Variants in USP7 observed in about 807,000 individuals in gnomAD.
USP7 encodes ubiquitin C-terminal hydrolase 7.
A neutral mutation model predicts 162.9 loss-of-function variants in USP7; 9 were observed. That is an observed-to-expected ratio of 0.06 (90% CI 0.03 to 0.10). USP7 has a LOEUF of 0.10. USP7 is among the 10% of genes least tolerant of loss of function. USP7 has a pLI of 1.00. For missense variants in USP7, 715 were observed against 1,373.7 expected (o/e 0.52, Z 7.58); for synonymous variants, 562 against 475.9 (o/e 1.18, Z -2.35).
At chr16:8,905,395 G>A (rs1276697712) in intron 13 of USP7, 64 bp from the exon 14 acceptor site, 2 of 1,586,604 alleles carry the variant, frequency 1.3e-6, no homozygotes, top group Admixed American at 3.4e-5. Context: ...AACACTAGAA[G>A]GCAGCGTTGT....
At chr16:8,946,787 C>A (rs985644837) in intron 1 of USP7, among the ~76,000 whole-genome samples, 1 of 152,246 alleles carries the variant, frequency 6.6e-6, no homozygotes, top group Non-Finnish European at 1.5e-5. Flanking sequence ...GAAGGCTCCA[C>A]CTACAGAGCA....
At chr16:8,942,676 C>T (rs2437717) in intron 1 of USP7, among the ~76,000 whole-genome samples, 149,883 of 152,234 alleles carry the variant, frequency 0.98, 73,833 homozygotes, top group East Asian at 1. Context: ...AGCTCTTGAG[C>T]AGCTGGGACT....
In USP7 at chr16:8,941,861, C is replaced by T. The variant is rs369499576; in HGVS notation, c.80-11464G>A. Among the ~76,000 whole-genome samples the T allele has an allele frequency of 3.1e-4, 47 of 152,190 alleles. 1 individual carries two copies. Among genetic ancestry groups the T allele is most frequent in the East Asian group, 2.9e-3 (15 of 5,190 alleles). ...GGTTCGGCAGGGAACTGGGTGGACA[C>T]GCCTCCTGGTCTCCTGGTGCTCACT... On this transcript the variant is annotated intron_variant, in intron 1 of 30. Coordinates refer to ENST00000344836, the MANE Select transcript of USP7 (RefSeq NM_003470.3).
chr16:8,899,892 G>C, intron 21 of USP7, 135 bp from the exon 22 acceptor site: 2 of 1,093,456 alleles, frequency 1.8e-6, no homozygotes, highest in Non-Finnish European at 2.7e-6. Flanking sequence ...CCCCTTTGAG[G>C]GGGCCAGGCA....
intron 2 of USP7, among the ~76,000 whole-genome samples, chr16:8,926,514 A>G (rs1485069475): frequency 6.6e-6 from 1 of 152,202 alleles, no homozygotes; most frequent in Non-Finnish European, 1.5e-5. Context: ...GGCCAAAAAA[A>G]AGGAGAAGTG....
Position 8,895,028 on chromosome 16 carries a change from T to C in USP7, c.3039+3A>G, listed in dbSNP as rs1400807618. ...AGCCACTCGGCCAACCACAACAGCA[T>C]ACCTGGTGTATCCTCAGCAAAAACG... On this transcript the variant is annotated splice_donor_region_variant and intron_variant, in intron 28 of 30. Transcript: ENST00000344836. The C allele has an allele frequency of 3.1e-6, 5 of 1,614,130 alleles. No individual in the cohort carries two copies. The highest frequency in any genetic ancestry group is 1.7e-5 in the Admixed American group (1 of 60,006).
At position 8,892,108 on chromosome 16, in the gene USP7, A is replaced by T. The variant is rs1433201502; in HGVS notation, c.*1890T>A. 1 of 152,240 alleles carries T rather than the reference A, an allele frequency of 6.6e-6. No individual in the cohort carries two copies. The highest frequency in any genetic ancestry group is 1.5e-5 in the Non-Finnish European group (1 of 68,044). The allele number at this position is 152,240 out of a possible 1,614,324, so 9.4% of individuals were successfully genotyped here. ...ATTACAACACGTTCTTTGGAAAAAGAGTCATTTAATACCTTAAGGGAGAGT... is the reference window on the plus strand; with the variant it reads ...ATTACAACACGTTCTTTGGAAAAAGTGTCATTTAATACCTTAAGGGAGAGT... On this transcript the variant is annotated 3_prime_UTR_variant, in exon 31 of 31. Coordinates refer to ENST00000344836, the MANE Select transcript of USP7 (RefSeq NM_003470.3).
intron 1 of USP7, among the ~76,000 whole-genome samples, chr16:8,951,127 A>T (rs764550404): frequency 1.3e-5 from 2 of 152,334 alleles, no homozygotes; most frequent in Admixed American, 1.3e-4. Context: ...CAAGGCTTAA[A>T]GTCAAACCAA....
At chr16:8,929,575 T>C (rs891569700) in intron 2 of USP7, 10 of 455,968 alleles carry the variant, frequency 2.2e-5, no homozygotes, top group Admixed American at 1.9e-4. Context: ...TGAGGATTGA[T>C]GGACATGCTT....
intron 1 of USP7, among the ~76,000 whole-genome samples, chr16:8,952,563 C>T (rs977577910): frequency 6.6e-6 from 1 of 152,188 alleles, no homozygotes; most frequent in Non-Finnish European, 1.5e-5. Context: ...CTTCTCAGGT[C>T]CCCTCACTCT....
rs768851134 is a variant in USP7, at chr16:8,901,017, A to G, written c.2181T>C (p.Ile727=). ...CATAGAGGATAAGGCTAGTATCTTG[A>G]ATAAATCCTGCTCTGTCACACATAA... ...LPVMCDRAGF[I]QDTSLILYEE... is the part of the protein sequence containing the mutation. Residue 727 remains isoleucine, a synonymous_variant, in exon 20 of 31, where the codon ATT becomes ATC. Transcript: ENST00000344836. 1 of 1,614,184 alleles carries G rather than the reference A, an allele frequency of 6.2e-7. No homozygotes were observed. Among genetic ancestry groups the G allele is most frequent in the Admixed American group, 1.7e-5 (1 of 60,016 alleles).
At chr16:8,896,866 G>C in intron 26 of USP7, 133 bp downstream of exon 26, 1 of 743,372 alleles carries the variant, frequency 1.3e-6, no homozygotes. Context: ...TTGCAATGGA[G>C]GCACACCCCA....
At chr16:8,952,940 G>A (rs1468177847) in intron 1 of USP7, among the ~76,000 whole-genome samples, 2 of 151,942 alleles carry the variant, frequency 1.3e-5, no homozygotes, top group Non-Finnish European at 2.9e-5. Context: ...GGGTTCAAGC[G>A]ATTCTCCTGC....
At chr16:8,944,777 G>T (rs1037155270) in intron 1 of USP7, among the ~76,000 whole-genome samples, 1 of 152,230 alleles carries the variant, frequency 6.6e-6, no homozygotes, top group Admixed American at 6.5e-5. Context: ...AGGGCTGTCA[G>T]ATCTTTTGAA....
intron 1 of USP7, among the ~76,000 whole-genome samples, chr16:8,947,231 C>T (rs765308110): frequency 6.6e-6 from 1 of 151,086 alleles, no homozygotes; most frequent in Non-Finnish European, 1.5e-5. Context: ...TAAAGCAATG[C>T]CATTCCTCTC....
At chr16:8,939,531 T>C (rs1898934730) in intron 1 of USP7, among the ~76,000 whole-genome samples, 1 of 152,106 alleles carries the variant, frequency 6.6e-6, no homozygotes, top group Non-Finnish European at 1.5e-5. Flanking sequence ...TACTTTTGAG[T>C]TCTGAAAGAA....
chr16:8,923,988 G>A (rs1439451711), intron 2 of USP7, among the ~76,000 whole-genome samples: 1 of 152,006 alleles, frequency 6.6e-6, no homozygotes, highest in African/African-American at 2.4e-5. Flanking sequence ...TACTAGCCTG[G>A]ACACCCTAGG....
chr16:8,901,353 T>TG (rs1367652203), intron 18 of USP7, 119 bp from the exon 19 acceptor site: 58 of 695,176 alleles, frequency 8.3e-5, no homozygotes, highest in Non-Finnish European at 1.3e-4. Context: ...AATAGCTCAA[T>TG]GACAAGTGAA....
intron 1 of USP7, 176 bp downstream of exon 1, chr16:8,963,031 G>C (rs1298347877): frequency 2.3e-6 from 1 of 436,226 alleles, no homozygotes; most frequent in Non-Finnish European, 3.3e-6. Context: ...CCCCTCGCCC[G>C]CGGACCCGGC....
Sources: gnomAD v4.1 joint callset for allele counts (sites outside exome capture counted in the v4.1 genomes callset) on GRCh38, gnomAD v4.1.1 for gene constraint, MANE v1.5 for transcripts, NCBI Gene and HGNC (gene_info 2026-07-23, HGNC 2026-07-21) for gene names.